CNBD1: variants seen among roughly 807,000 people sequenced by gnomAD.
CNBD1 encodes cyclic nucleotide binding domain containing 1.
A neutral mutation model predicts 54.4 loss-of-function variants in CNBD1; 71 were observed. That is an observed-to-expected ratio of 1.30 (90% CI 1.08 to 1.59). The LOEUF is 1.59. CNBD1 is among the 40% of genes most tolerant of loss of function. The pLI, the probability that CNBD1 is intolerant of heterozygous loss-of-function variation, is 0.00. For missense variants in CNBD1, 659 were observed against 518.0 expected, an observed-to-expected ratio of 1.27 and a Z score of -2.64; for synonymous variants, 182 against 170.7, an observed-to-expected ratio of 1.07 and a Z score of -0.51.
intron 2 of CNBD1, among the ~76,000 whole-genome samples, chr8:87,419,475 GCA>G (rs1165341896): frequency 6.6e-6 from 1 of 151,870 alleles, no homozygotes; most frequent in Non-Finnish European, 1.5e-5. Flanking sequence ...CAATAAGAAT[GCA>G]TAAGATTTGG....
chr8:87,237,041 A>T lies in CNBD1; in HGVS notation c.700A>T (p.Ser234Cys). The T allele has an allele frequency of 6.2e-7, 1 of 1,612,310 alleles. No homozygotes were observed. Among genetic ancestry groups the T allele is most frequent in the Non-Finnish European group, 8.5e-7 (1 of 1,178,678 alleles). Residue 234 changes from serine to cysteine, a missense_variant, in exon 6 of 11, where the codon AGC becomes TGC. Transcript: ENST00000518476. ...PDSFISQSFHSFIWSEEFKNS... is the reference protein window; with the variant it reads ...PDSFISQSFHCFIWSEEFKNS... ...CTCGTTCATATCTCAGAGTTTCCAC[A>T]GCTTCATTTGGAGTGAAGAATTCAA...
At position 87,370,918 on chromosome 8, in the gene CNBD1, A is replaced by C. The variant is rs1225728354; in HGVS notation, c.1304-11702A>C. Among the ~76,000 whole-genome samples, 251 of 150,964 alleles carry C rather than the reference A, an allele frequency of 1.7e-3. 2 individuals carry two copies. The highest frequency in any genetic ancestry group is 5.7e-3 in the African/African-American group (232 of 40,542). On this transcript the variant is annotated intron_variant, in intron 10 of 10. Coordinates refer to ENST00000518476, the MANE Select transcript of CNBD1 (RefSeq NM_173538.3). Reference sequence around the variant, plus strand: ...TTAATTTTTGTATAAGGTATAAGGAAGGGATCCAGTTTCAGCTTTCTACAT... The same window carrying C: ...TTAATTTTTGTATAAGGTATAAGGACGGGATCCAGTTTCAGCTTTCTACAT...
intron 4 of CNBD1, among the ~76,000 whole-genome samples, chr8:87,111,777 A>G (rs1321149981): frequency 6.6e-6 from 1 of 152,110 alleles, no homozygotes; most frequent in Non-Finnish European, 1.5e-5. Flanking sequence ...CCTGTGGGTT[A>G]GGACACCCCC....
chr8:87,181,917 A>C (rs1813357920), intron 4 of CNBD1, among the ~76,000 whole-genome samples: 1 of 152,030 alleles, frequency 6.6e-6, no homozygotes, highest in Non-Finnish European at 1.5e-5. Flanking sequence ...TTTCAGATTC[A>C]GGGGATACAT....
chr8:87,324,198 G>C (rs1330861355), intron 8 of CNBD1, among the ~76,000 whole-genome samples: 2 of 126,902 alleles, frequency 1.6e-5, no homozygotes, highest in Admixed American at 7.8e-5. Flanking sequence ...TGCTGGATTC[G>C]GTTTGCCAGT....
At position 87,142,903 on chromosome 8, in the gene CNBD1, A is replaced by ATATT. The variant is rs148547614; in HGVS notation, c.432-63089_432-63088insATTT. 8.7e-4 allele frequency among the ~76,000 whole-genome samples: 4 copies of ATATT among 4,572 alleles called. No homozygotes were observed. The East Asian group carries it at 0.12, about 143-fold the overall frequency. 3.0% of individuals were successfully genotyped at this position (4,572 alleles called of 152,430 possible). A position where few individuals can be genotyped will look rare whatever the true frequency, so the allele number is the denominator to read the frequency against. ...GTCTGTGTATGCATTCATTCAACAA[A>ATATT]TGTTGAGTTTCTGTTAGGTAGCAGA... On this transcript the variant is annotated intron_variant, in intron 4 of 10. Transcript: ENST00000518476.
chr8:87,392,365 G>T (rs1320871719), intron 2 of CNBD1, among the ~76,000 whole-genome samples: 1 of 151,916 alleles, frequency 6.6e-6, no homozygotes, highest in Non-Finnish European at 1.5e-5. Flanking sequence ...ATTAAAGTTT[G>T]TAACAGCATT....
At chr8:87,360,620 T>C (rs1810506512) in intron 10 of CNBD1, among the ~76,000 whole-genome samples, 2 of 151,966 alleles carry the variant, frequency 1.3e-5, no homozygotes, top group South Asian at 4.1e-4. Context: ...AAATTCTCAT[T>C]CCACCATTAG....
intron 4 of CNBD1, among the ~76,000 whole-genome samples, chr8:87,087,275 GTATATA>G (rs371657712): frequency 7.6e-6 from 1 of 132,162 alleles, no homozygotes; most frequent in Admixed American, 7.7e-5. Flanking sequence ...ATATATATAC[GTATATA>G]TATATATATA....
At chr8:87,227,523 AT>A (rs1164570024) in intron 5 of CNBD1, among the ~76,000 whole-genome samples, 1 of 134,244 alleles carries the variant, frequency 7.4e-6, no homozygotes, top group Non-Finnish European at 1.6e-5. Context: ...TGGATATGAA[AT>A]TCTGGGTTGA....
intron 4 of CNBD1, among the ~76,000 whole-genome samples, chr8:86,946,675 A>C (rs766247651): frequency 3.3e-5 from 5 of 151,038 alleles, no homozygotes; most frequent in Admixed American, 1.3e-4. Context: ...TTATGACTCT[A>C]TTGGGAATTT....
chr8:87,215,382 C>T (rs547858303), intron 5 of CNBD1, among the ~76,000 whole-genome samples: 4 of 152,070 alleles, frequency 2.6e-5, no homozygotes, highest in African/African-American at 9.6e-5. Context: ...GTCAGGAGAT[C>T]GAGATCATCC....
Position 87,309,721 on chromosome 8 carries a change from A to G in CNBD1, c.1042+23050A>G, listed in dbSNP as rs141263222. The stretch of plus-strand genomic sequence containing the variant: ...TCTGTATTTATGTCTATATATAATC[A>G]ATCATCTCCTGGATAGAGTGATACC... On this transcript the variant is annotated intron_variant, in intron 8 of 10. Transcript: ENST00000518476. 2.6e-3 allele frequency among the ~76,000 whole-genome samples: 394 copies of G among 152,274 alleles called. 3 individuals are homozygous for G. Among genetic ancestry groups the G allele is most frequent in the African/African-American group, 8.9e-3 (371 of 41,552 alleles).
chr8:87,133,153 T>G (rs1284137440), intron 4 of CNBD1, among the ~76,000 whole-genome samples: 1 of 152,150 alleles, frequency 6.6e-6, no homozygotes, highest in Non-Finnish European at 1.5e-5. Context: ...TCATTAATTA[T>G]AAGCATGTTT....
intron 2 of CNBD1, among the ~76,000 whole-genome samples, chr8:87,400,927 G>A (rs1332766884): frequency 6.6e-6 from 1 of 151,958 alleles, no homozygotes; most frequent in African/African-American, 2.4e-5. Flanking sequence ...AAGTGGATTA[G>A]ACATTGTTTC....
intron 8 of CNBD1, among the ~76,000 whole-genome samples, chr8:87,292,631 G>C (rs1808808732): frequency 6.6e-6 from 1 of 152,148 alleles, no homozygotes; most frequent in Admixed American, 6.6e-5. Flanking sequence ...ATGGCTCAAT[G>C]CCTCTTCCAA....
intron 8 of CNBD1, among the ~76,000 whole-genome samples, chr8:87,288,868 T>C (rs1396439637): frequency 1.3e-5 from 2 of 152,160 alleles, no homozygotes; most frequent in Non-Finnish European, 2.9e-5. Flanking sequence ...TTTCATCTGA[T>C]AATCATCAAA....
intron 4 of CNBD1, among the ~76,000 whole-genome samples, chr8:87,074,219 G>A (rs1044820916): frequency 1.3e-5 from 2 of 152,116 alleles, no homozygotes; most frequent in Non-Finnish European, 2.9e-5. Flanking sequence ...AAGCTGGCAG[G>A]CTGGAATGAC....
Position 87,226,260 on chromosome 8 carries a change from A to T in CNBD1, c.578-10659A>T, listed in dbSNP as rs1321760180. Among the ~76,000 whole-genome samples, 5 of 150,808 alleles carry T rather than the reference A, an allele frequency of 3.3e-5. No homozygotes were observed. The East Asian group carries it at 7.8e-4, about 23-fold the overall frequency. ...TTTCCTTCAGTTCTGCTCTGATTTT[A>T]GTTATTTCTTGCCTTCTGCTAGCTT... On this transcript the variant is annotated intron_variant, in intron 5 of 10. Transcript: ENST00000518476.
Sources: allele counts gnomAD v4.1 joint callset (sites outside exome capture counted in the v4.1 genomes callset), GRCh38; gene constraint gnomAD v4.1.1; transcripts MANE v1.5; gene names NCBI Gene and HGNC (gene_info 2026-07-23, HGNC 2026-07-21).